EML6: variants seen among roughly 807,000 people sequenced by gnomAD.
EML6 encodes EMAP like 6, also known as echinoderm microtubule-associated protein-like 6.
Under a neutral mutation model 240.1 loss-of-function variants are expected in EML6, and 154 were observed. That is an observed-to-expected ratio of 0.64 (90% CI 0.56 to 0.73). The LOEUF is 0.73. EML6 is among the 30% of genes least tolerant of loss of function. EML6 has a pLI of 0.00. For missense variants in EML6, 2,964 were observed against 2,474.6 expected (o/e 1.20, Z -4.20); for synonymous variants, 1,148 against 899.0 (o/e 1.28, Z -4.95).
At chr2:54,844,846 G>A (rs1219235584) in intron 8 of EML6, among the ~76,000 whole-genome samples, 1 of 152,180 alleles carries the variant, frequency 6.6e-6, no homozygotes, top group Non-Finnish European at 1.5e-5. Flanking sequence ...TGAGCACAAT[G>A]ACTTATGATT....
chr2:54,930,083 C>T (rs866528040), intron 28 of EML6, among the ~76,000 whole-genome samples: 1 of 152,094 alleles, frequency 6.6e-6, no homozygotes, highest in Middle Eastern at 3.4e-3. Flanking sequence ...GTATTCATTC[C>T]TTTGGAAAAA....
At chr2:54,901,791 C>G (rs903202783) in intron 22 of EML6, among the ~76,000 whole-genome samples, 1 of 152,224 alleles carries the variant, frequency 6.6e-6, no homozygotes, top group African/African-American at 2.4e-5. Context: ...ACAAGGCCAC[C>G]TGGCTGTCCT....
At chr2:54,754,083 C>T (rs982797755) in intron 2 of EML6, among the ~76,000 whole-genome samples, 13 of 150,528 alleles carry the variant, frequency 8.6e-5, no homozygotes, top group Admixed American at 7.3e-4. Context: ...TGCAGTGAGT[C>T]GAGATCACAC....
intron 11 of EML6, among the ~76,000 whole-genome samples, chr2:54,855,797 T>G (rs1375522573): frequency 6.6e-6 from 1 of 152,198 alleles, no homozygotes; most frequent in Non-Finnish European, 1.5e-5. Context: ...TTTTGTGTCC[T>G]TTTTGTGCCA....
At chr2:54,810,980 T>C (rs995149920) in intron 2 of EML6, among the ~76,000 whole-genome samples, 4 of 152,174 alleles carry the variant, frequency 2.6e-5, no homozygotes, top group African/African-American at 4.8e-5. Context: ...ACAAACCTTG[T>C]TGCCCGCACA....
intron 26 of EML6, among the ~76,000 whole-genome samples, chr2:54,926,125 A>G (rs990660694): frequency 2.0e-5 from 3 of 152,110 alleles, no homozygotes; most frequent in Admixed American, 2.0e-4. Flanking sequence ...TTGTTTTAAG[A>G]TGGAGTCTCA....
chr2:54,831,751 A>G (rs1287333991), intron 7 of EML6, among the ~76,000 whole-genome samples: 1 of 152,094 alleles, frequency 6.6e-6, no homozygotes, highest in Non-Finnish European at 1.5e-5. Context: ...AAAGGATGGT[A>G]TAGATCATGT....
At chr2:54,920,928 T>C (rs1461088678) in intron 26 of EML6, among the ~76,000 whole-genome samples, 2 of 152,054 alleles carry the variant, frequency 1.3e-5, no homozygotes, top group African/African-American at 4.8e-5. Context: ...TCTCAGTGGA[T>C]GTGAGAAAAG....
chr2:54,922,436 T>C (rs142399463), intron 26 of EML6, among the ~76,000 whole-genome samples: 1 of 152,138 alleles, frequency 6.6e-6, no homozygotes, highest in African/African-American at 2.4e-5. Flanking sequence ...TACACTGTTA[T>C]GCCCACCAAC....
chr2:54,767,732 C>T (rs972975590), intron 2 of EML6, among the ~76,000 whole-genome samples: 2 of 151,690 alleles, frequency 1.3e-5, no homozygotes, highest in Admixed American at 1.3e-4. Flanking sequence ...AGGCTGGTGT[C>T]GAACTCCTGG....
chr2:54,789,329 C>T lies in EML6; in HGVS notation c.198-23903C>T, dbSNP rs947938003. ...GAGATCGAGACCATCCTGGCTAACA[C>T]GGTGAAACCCCGTCTCTACTAAAAA... On this transcript the variant is annotated intron_variant, in intron 2 of 41. Transcript: ENST00000356458. Among the ~76,000 whole-genome samples the T allele has an allele frequency of 9.2e-5, 14 of 151,436 alleles. No homozygotes were observed. The East Asian group carries it at 1.4e-3, about 15-fold the overall frequency.
chr2:54,898,288 T>G (rs187358837), intron 21 of EML6, among the ~76,000 whole-genome samples: 1 of 152,194 alleles, frequency 6.6e-6, no homozygotes, highest in Non-Finnish European at 1.5e-5. Context: ...GAAATACAAT[T>G]TTGATGTCAA....
intron 11 of EML6, among the ~76,000 whole-genome samples, chr2:54,854,385 C>T (rs1439437121): frequency 1.3e-5 from 2 of 152,114 alleles, no homozygotes; most frequent in Admixed American, 6.6e-5. Flanking sequence ...TCTTTGCCCT[C>T]ATGTTTTGTT....
intron 28 of EML6, among the ~76,000 whole-genome samples, chr2:54,930,953 C>CTTTTTTTT (rs34403438): frequency 9.6e-6 from 1 of 104,620 alleles, no homozygotes. Flanking sequence ...CCGTAGGCAT[C>CTTTTTTTT]TTTTTTTTTT....
intron 2 of EML6, among the ~76,000 whole-genome samples, chr2:54,789,919 T>A (rs972057115): frequency 1.3e-5 from 2 of 152,222 alleles, no homozygotes; most frequent in African/African-American, 4.8e-5. Context: ...TTGACTTCTC[T>A]GGCTCTTGGA....
intron 7 of EML6, among the ~76,000 whole-genome samples, chr2:54,833,452 TATTA>T (rs1343794387): frequency 2.6e-5 from 4 of 152,372 alleles, no homozygotes; most frequent in South Asian, 2.1e-4. Flanking sequence ...AAAGTGACAT[TATTA>T]ATTCTTTTAC....
At chr2:54,862,471 T>G (rs10198957) in intron 12 of EML6, among the ~76,000 whole-genome samples, 29,419 of 150,784 alleles carry the variant, frequency 0.2, 3,176 homozygotes, top group African/African-American at 0.28. Context: ...AAAGACAGAT[T>G]ACTGGGAACC....
At chr2:54,856,998 A>T (rs181332286) in intron 11 of EML6, among the ~76,000 whole-genome samples, 1 of 152,320 alleles carries the variant, frequency 6.6e-6, no homozygotes, top group Admixed American at 6.5e-5. Flanking sequence ...TTACAGATGG[A>T]CTGGATATGA....
intron 28 of EML6, among the ~76,000 whole-genome samples, chr2:54,937,932 A>G (rs1462564205): frequency 6.6e-6 from 1 of 152,208 alleles, no homozygotes; most frequent in Non-Finnish European, 1.5e-5. Flanking sequence ...ATTTCCTCTT[A>G]CGTATAAAAC....
Sources: allele counts gnomAD v4.1 joint callset (sites outside exome capture counted in the v4.1 genomes callset), GRCh38; gene constraint gnomAD v4.1.1; transcripts MANE v1.5; gene names NCBI Gene and HGNC (gene_info 2026-07-23, HGNC 2026-07-21).